The following DOP1B variants were observed in gnomAD, a reference collection of about 807,000 sequenced individuals.
The protein encoded by DOP1B is DOP1 leucine zipper like protein B, also known as protein DOP1B.
Under a neutral mutation model 233.5 loss-of-function variants are expected in DOP1B, and 174 were observed. The ratio of observed to expected loss-of-function variants is 0.75; its 90% CI spans 0.66 to 0.85. DOP1B has a LOEUF of 0.85. Among genes scored for constraint, DOP1B ranks in the 40% least tolerant of loss-of-function variants. The pLI, the probability that DOP1B is intolerant of heterozygous loss-of-function variation, is 0.00. For missense variants in DOP1B, 2,652 were observed against 2,846.6 expected, an observed-to-expected ratio of 0.93 and a Z score of 1.56; for synonymous variants, 1,190 against 1,185.6, an observed-to-expected ratio of 1.00 and a Z score of -0.08.
intron 2 of DOP1B, among the ~76,000 whole-genome samples, chr21:36,195,340 C>CAAAAAAA (rs60003046): frequency 2.4e-5 from 2 of 84,096 alleles, no homozygotes; most frequent in Non-Finnish European, 4.4e-5. Flanking sequence ...GACTCTGGCT[C>CAAAAAAA]AAAAAAAAAA....
intron 15 of DOP1B, 35 bp from the exon 16 acceptor site, chr21:36,237,227 C>T (rs2123564999): frequency 6.2e-7 from 1 of 1,613,844 alleles, no homozygotes; most frequent in East Asian, 2.2e-5. Context: ...CTGTGTTGAC[C>T]TGGTCCCCCA....
Position 36,251,349 on chromosome 21 carries a change from G to A in DOP1B, c.5121+65G>A, listed in dbSNP as rs2067031278. ...TGACAAAGAAATACCACAGAATCAT[G>A]TGGAATCAAAGGTGACATTGGAAGC... On this transcript the variant is annotated intron_variant, in intron 22 of 36. Coordinates refer to ENST00000691173, the MANE Select transcript of DOP1B (RefSeq NM_001320714.2). 6 of 1,553,740 alleles carry A rather than the reference G, an allele frequency of 3.9e-6. No homozygotes were observed. The East Asian group carries it at 1.4e-4, about 35-fold the overall frequency.
chr21:36,237,002 C>T (rs2066835228), intron 15 of DOP1B, among the ~76,000 whole-genome samples: 1 of 152,098 alleles, frequency 6.6e-6, no homozygotes, highest in African/African-American at 2.4e-5. Flanking sequence ...CCAGGCTGGT[C>T]TTGAACTCCT....
rs2066746869 is a variant in DOP1B at position 36,230,445 on chromosome 21, T to C, written c.1666-5T>C. 3.1e-6 allele frequency: 5 copies of C among 1,595,840 alleles called. No homozygotes were observed. In the East Asian group the frequency reaches 1.1e-4, roughly 36 times the overall value. On this transcript the variant is annotated splice_polypyrimidine_tract_variant and splice_region_variant and intron_variant, in intron 13 of 36. Transcript: ENST00000691173. The stretch of plus-strand genomic sequence containing the variant: ...GCACAATTCACATCTTTTTATTTTT[T>C]ACAGAGTCCAGTAAAAGGTGAAAAC...
chr21:36,288,225 A>G, intron 33 of DOP1B, 75 bp downstream of exon 33: 2 of 1,396,032 alleles, frequency 1.4e-6, no homozygotes, highest in Non-Finnish European at 9.8e-7. Flanking sequence ...ATAACGTACT[A>G]TTTCCTATGT....
chr21:36,228,386 C>G (rs934187807), intron 13 of DOP1B, among the ~76,000 whole-genome samples: 8 of 151,856 alleles, frequency 5.3e-5, no homozygotes, highest in African/African-American at 1.9e-4. Context: ...TCTCTTGAAC[C>G]TGGGAGGCGG....
At chr21:36,248,696 G>C in intron 21 of DOP1B, 128 bp downstream of exon 21, 1 of 912,062 alleles carries the variant, frequency 1.1e-6, no homozygotes, top group Non-Finnish European at 1.5e-6. Context: ...GAGATCAGAA[G>C]TAGAAATCTC....
In DOP1B at chr21:36,231,021, G is replaced by A. The variant is rs1192782211; in HGVS notation, c.2237G>A (p.Arg746His). 2.2e-5 allele frequency: 36 copies of A among 1,614,176 alleles called. No homozygotes were observed. Among genetic ancestry groups the A allele is most frequent in the Non-Finnish European group, 2.9e-5 (34 of 1,180,044 alleles). ...VIDLGGSREE[R>H]REAFAAACHL... Reference sequence around the variant, plus strand: ...GACCTGGGGGGTTCCAGGGAGGAACGCAGGGAGGCCTTTGCCGCCGCCTGC... The same window carrying A: ...GACCTGGGGGGTTCCAGGGAGGAACACAGGGAGGCCTTTGCCGCCGCCTGC... The change falls in exon 14 of 37, where the codon CGC (arginine) becomes CAC (histidine). Residue 746 changes from arginine (R) to histidine (H), a missense_variant. By Grantham distance (29) the Arg-to-His change is conservative (BLOSUM62 0). This residue lies in a region of DOP1B where 2,617 missense variants were observed against 2,794.3 expected (regional missense o/e 0.94). Coordinates refer to ENST00000691173, the MANE Select transcript of DOP1B (RefSeq NM_001320714.2).
chr21:36,232,691 G>T (rs371930982), intron 14 of DOP1B, 113 bp from the exon 15 acceptor site: 1 of 1,444,984 alleles, frequency 6.9e-7, no homozygotes. Flanking sequence ...CTGCTGTCCA[G>T]GTGGATTTCT....
At chr21:36,208,949 T>G in intron 5 of DOP1B, 45 bp downstream of exon 5, 1 of 1,459,202 alleles carries the variant, frequency 6.9e-7, no homozygotes, top group Middle Eastern at 2.6e-4. Context: ...AGGCGACATG[T>G]GGGCACAGCA....
At chr21:36,234,933 A>C (rs534502890) in intron 15 of DOP1B, among the ~76,000 whole-genome samples, 1 of 152,368 alleles carries the variant, frequency 6.6e-6, no homozygotes, top group South Asian at 2.1e-4. Context: ...TGATCAAATC[A>C]TGGTAATTAG....
chr21:36,203,647 G>A lies in DOP1B; in HGVS notation c.491+3146G>A, dbSNP rs1009745190. ...AGAGCAGAAAGGGAGGGTGCAGTGGGGGGGGTCATGATGAGCACGTGGGTA... is the reference window on the plus strand; with the variant it reads ...AGAGCAGAAAGGGAGGGTGCAGTGGAGGGGGTCATGATGAGCACGTGGGTA... On this transcript the variant is annotated intron_variant, in intron 4 of 36. Coordinates refer to ENST00000691173, the MANE Select transcript of DOP1B (RefSeq NM_001320714.2). 5.3e-5 allele frequency among the ~76,000 whole-genome samples: 8 copies of A among 152,102 alleles called. 1 individual carries two copies. Among genetic ancestry groups the A allele is most frequent in the African/African-American group, 1.9e-4 (8 of 41,476 alleles).
At chr21:36,205,597 A>G (rs942014149) in intron 4 of DOP1B, among the ~76,000 whole-genome samples, 6 of 151,946 alleles carry the variant, frequency 3.9e-5, no homozygotes, top group African/African-American at 1.2e-4. Context: ...CATGTTGGCC[A>G]GGCTGATCTT....
chr21:36,227,350 A>T (rs535700592), intron 12 of DOP1B, among the ~76,000 whole-genome samples: 2 of 151,850 alleles, frequency 1.3e-5, no homozygotes, highest in Admixed American at 1.3e-4. Context: ...GATCGAGACC[A>T]TCCTGGCTAA....
Position 36,248,500 on chromosome 21 carries a change from CAAAA to C in DOP1B, c.4931_4934del (p.Gln1644ArgfsTer7). ...GAATGTTCTCAGAAAGGAGGAGACT[CAAAA>C]GAGACCTGTCGATCTCCTAGGGGCC... is the stretch of plus-strand genomic sequence containing the variant. On this transcript the variant is annotated frameshift_variant, in exon 21 of 37. Transcript: ENST00000691173. LOFTEE classifies it high-confidence loss of function. 1 of 1,614,158 alleles carries C rather than the reference CAAAA, an allele frequency of 6.2e-7. No individual in the cohort carries two copies.
In DOP1B at chr21:36,245,206, G is replaced by C. The variant is rs201829630; in HGVS notation, c.3226G>C (p.Glu1076Gln). Reference protein sequence around the residue: ...AIWAEVEKEPEKYPLRGELSE... With the variant: ...AIWAEVEKEPQKYPLRGELSE... ...TTGGGCCGAAGTGGAGAAGGAGCCC[G>C]AGAAGTACCCGCTGCGAGGCGAGCT... Residue 1076 changes from glutamate to glutamine, a missense_variant, in exon 19 of 37, where the codon GAG becomes CAG. This residue lies in a region of DOP1B where 2,617 missense variants were observed against 2,794.3 expected (regional missense o/e 0.94). Transcript: ENST00000691173. The surrounding 1 kb of genome is among the most constrained non-coding windows in gnomAD (Gnocchi z 5.5). 635 of 1,614,080 alleles carry C rather than the reference G, an allele frequency of 3.9e-4. 1 individual carries two copies. The highest frequency in any genetic ancestry group is 5.1e-4 in the Non-Finnish European group (605 of 1,180,036).
intron 4 of DOP1B, 86 bp from the exon 5 acceptor site, chr21:36,208,629 T>A (rs2156412): frequency 0.2 from 280,169 of 1,409,778 alleles, 28,457 homozygotes; most frequent in Admixed American, 0.21. Flanking sequence ...CCGCTGTGGT[T>A]CTTCATGCAG....
intron 4 of DOP1B, among the ~76,000 whole-genome samples, chr21:36,201,022 G>A (rs984760970): frequency 3.9e-5 from 6 of 152,144 alleles, no homozygotes; most frequent in Non-Finnish European, 5.9e-5. Context: ...TCCTTTAGGC[G>A]GAGAGAAATG....
At chr21:36,217,487 G>A (rs907753468) in intron 9 of DOP1B, among the ~76,000 whole-genome samples, 1 of 152,222 alleles carries the variant, frequency 6.6e-6, no homozygotes, top group African/African-American at 2.4e-5. Flanking sequence ...CCAGTCAGGA[G>A]CCTAAGCTGG....
Sources: gnomAD v4.1 joint callset for allele counts (sites outside exome capture counted in the v4.1 genomes callset) on GRCh38, gnomAD v4.1.1 for gene constraint, gnomAD v4.1.1 regional missense constraint, Gnocchi (gnomAD v3.1) non-coding constraint, MANE v1.5 for transcripts, NCBI Gene and HGNC (gene_info 2026-07-23, HGNC 2026-07-21) for gene names.